Variants in KRT3 observed in about 807,000 individuals in gnomAD.
KRT3 encodes keratin, type II cytoskeletal 3.
Under a neutral mutation model 45.8 loss-of-function variants are expected in KRT3, and 34 were observed. That is an observed-to-expected ratio of 0.74 (90% CI 0.57 to 0.99). The LOEUF is 0.99. Ranked by LOEUF, KRT3 falls within the 50% of genes least tolerant of loss-of-function variation. The pLI is 0.00. For missense variants in KRT3, 828 were observed against 820.6 expected, an observed-to-expected ratio of 1.01 and a Z score of -0.11; for synonymous variants, 367 against 329.0, an observed-to-expected ratio of 1.12 and a Z score of -1.25.
At chr12:52,791,514 A>G (rs1939501782) in intron 6 of KRT3, 88 bp from the exon 7 acceptor site, 1 of 1,486,720 alleles carries the variant, frequency 6.7e-7, no homozygotes, top group Non-Finnish European at 9.2e-7. Context: ...TCTTAAAGTC[A>G]GGGAACATTC....
chr12:52,795,942 T>A lies in KRT3; in HGVS notation c.101A>T (p.His34Leu), dbSNP rs1437272363. 2 of 1,613,886 alleles carry A rather than the reference T, an allele frequency of 1.2e-6. No individual in the cohort carries two copies. The highest frequency in any genetic ancestry group is 1.7e-6 in the Non-Finnish European group (2 of 1,180,006). ...SGSSRMSCVA[H>L]SGGAGGGAYG... ...GGCCCCTCCGCCAGCTCCCCCAGAGTGGGCCACACAGCTCATCCTGCTGCT... is the reference window on the plus strand; with the variant it reads ...GGCCCCTCCGCCAGCTCCCCCAGAGAGGGCCACACAGCTCATCCTGCTGCT... The change falls in exon 1 of 9, where the codon CAC (histidine) becomes CTC (leucine). Residue 34 changes from histidine (H) to leucine (L), a missense_variant. Physicochemically the swap from His to Leu is moderately conservative, Grantham distance 99. Transcript: ENST00000417996.
At position 52,790,347 on chromosome 12, in the gene KRT3, TGCTGACCACG is replaced by T; in HGVS notation, c.1572_1581del (p.Val525AlafsTer23). The T allele has an allele frequency of 6.3e-7, 1 of 1,596,548 alleles. No homozygotes were observed. The highest frequency in any genetic ancestry group is 8.5e-7 in the Non-Finnish European group (1 of 1,170,834). On this transcript the variant is annotated frameshift_variant and splice_region_variant, in exon 9 of 9. Coordinates refer to ENST00000417996, the MANE Select transcript of KRT3 (RefSeq NM_057088.3). LOFTEE classifies it low-confidence loss of function (END_TRUNC). ...CCTGCGGAGGCGGAAGTCGTGCTGC[TGCTGACCACG>T]GCTGTGGGGGAGAGGACAGGACAGC... is the stretch of plus-strand genomic sequence containing the variant.
At chr12:52,795,312 T>TAG (rs1260959651) in intron 1 of KRT3, 86 bp downstream of exon 1, 56 of 1,527,186 alleles carry the variant, frequency 3.7e-5, no homozygotes, top group Non-Finnish European at 5.1e-5. Context: ...GTCTGGCCTA[T>TAG]CCAAGAAACA....
rs1229853799 is a variant in KRT3 at position 52,794,184 on chromosome 12, T to C, written c.793A>G (p.Ile265Val). The change falls in exon 2 of 9, where the codon ATC becomes GTC. Residue 265 changes from isoleucine to valine, a missense_variant. By Grantham distance (29) the Ile-to-Val change is conservative (BLOSUM62 3). Coordinates refer to ENST00000417996, the MANE Select transcript of KRT3 (RefSeq NM_057088.3). ...INYLRSYLDN[I>V]LGERGRLDSE... ...TCCAGGCGCCCTCTCTCCCCGAGGA[T>C]GTTGTCCAGGTAGCTCCGCAGGTAG... 4 of 1,614,066 alleles carry C rather than the reference T, an allele frequency of 2.5e-6. No homozygotes were observed. In the African/African-American group the frequency reaches 5.3e-5, roughly 22 times the overall value.
rs765769295 is a variant in KRT3, at chr12:52,792,825, A to G, written c.928-19T>C. ...CCACATCCTGAGAAAAGAGGAAGAT[A>G]AAGGCCTTATTCTCCCAATGAACAA... On this transcript the variant is annotated intron_variant, in intron 3 of 8. Transcript: ENST00000417996. 2 of 1,526,110 alleles carry G rather than the reference A, an allele frequency of 1.3e-6. No homozygotes were observed. The highest frequency in any genetic ancestry group is 2.3e-5 in the South Asian group (2 of 88,716). The allele number at this position is 1,526,110 out of a possible 1,614,324, so 94.5% of individuals were successfully genotyped here. A position where few individuals can be genotyped will look rare whatever the true frequency, so the allele number is the denominator to read the frequency against.
At position 52,790,434 on chromosome 12, in the gene KRT3, G is replaced by C. The variant is rs1332237405; in HGVS notation, c.1571-76C>G. 3.6e-6 allele frequency: 5 copies of C among 1,398,708 alleles called. No individual in the cohort carries two copies. In the Admixed American group the frequency reaches 9.3e-5, roughly 26 times the overall value. The allele number at this position is 1,398,708 out of a possible 1,614,324, so 86.6% of individuals were successfully genotyped here. Reference sequence around the variant, plus strand: ...GCTATGTTATTGTCAATGATCCACCGGGCCCACGACTATCCAGAGCTGATC... The same window carrying C: ...GCTATGTTATTGTCAATGATCCACCCGGCCCACGACTATCCAGAGCTGATC... On this transcript the variant is annotated intron_variant, in intron 8 of 8. Transcript: ENST00000417996.
chr12:52,794,775 A>G (rs953973073), intron 1 of KRT3, among the ~76,000 whole-genome samples: 1 of 152,186 alleles, frequency 6.6e-6, no homozygotes, highest in Non-Finnish European at 1.5e-5. Flanking sequence ...TGCCACAGTT[A>G]GCATGACAAC....
intron 1 of KRT3, 30 bp downstream of exon 1, chr12:52,795,368 G>A (rs1455833347): frequency 1.2e-6 from 2 of 1,613,260 alleles, no homozygotes; most frequent in Middle Eastern, 1.7e-4. Context: ...CCCCAGCCCA[G>A]GAAGGGATGA....
rs1450322520 is a variant in KRT3 at position 52,795,560 on chromosome 12, A to G, written c.483T>C (p.Phe161=). The stretch of plus-strand genomic sequence containing the variant: ...TTCCCCCAGGAAAGCCCCCAGGGCC[A>G]AAGCCACCAGGACTGCCCAAGCTGC... ...GPGSLGSPGG[F]GPGGFPGGIQ... is the part of the protein sequence containing the mutation. The change falls in exon 1 of 9, where the codon TTT becomes TTC. Residue 161 remains phenylalanine, a synonymous_variant. Coordinates refer to ENST00000417996, the MANE Select transcript of KRT3 (RefSeq NM_057088.3). 1.9e-6 allele frequency: 3 copies of G among 1,612,438 alleles called. No individual in the cohort carries two copies. In the African/African-American group the frequency reaches 4.0e-5, roughly 22 times the overall value.
In KRT3 at chr12:52,792,693, A is replaced by G. The variant is rs1399315960; in HGVS notation, c.1023+18T>C. On this transcript the variant is annotated intron_variant, in intron 4 of 8. Transcript: ENST00000417996. ...CCTCACTCTCCCTCTGTCCCTTCTT[A>G]GTAGGTAACATCCTTACAGCGTCGT... 6.5e-7 allele frequency: 1 copy of G among 1,543,700 alleles called. No individual in the cohort carries two copies. The highest frequency in any genetic ancestry group is 1.1e-5 in the South Asian group (1 of 89,638).
intron 6 of KRT3, 71 bp downstream of exon 6, chr12:52,791,620 G>C (rs775824273): frequency 6.3e-4 from 1,009 of 1,593,570 alleles, no homozygotes; most frequent in Non-Finnish European, 8.3e-4. Context: ...TATTCCAGGG[G>C]AGGAGTCCTG....
Position 52,794,117 on chromosome 12 carries a change from T to G in KRT3, c.860A>C (p.Lys287Thr), listed in dbSNP as rs1364847004. ...CTCCTGCCCTGTCACTCACTTCTTC[T>G]TGAAGTCTTCCACCAGGTCCTCCAT... ...KNMEDLVEDF[K>T]KKYEDEINKR... Residue 287 changes from lysine to threonine, a missense_variant, in exon 2 of 9, where the codon AAG becomes ACG. Physicochemically the swap from Lys to Thr is moderately conservative, Grantham distance 78. Transcript: ENST00000417996. The G allele has an allele frequency of 6.2e-7, 1 of 1,613,468 alleles. No individual in the cohort carries two copies. The highest frequency in any genetic ancestry group is 8.5e-7 in the Non-Finnish European group (1 of 1,179,390).
At chr12:52,793,624 C>G (rs542345185) in intron 2 of KRT3, among the ~76,000 whole-genome samples, 5 of 152,168 alleles carry the variant, frequency 3.3e-5, no homozygotes, top group African/African-American at 1.2e-4. Flanking sequence ...CATAGTCTCG[C>G]TCTGTCACCG....
At chr12:52,792,130 C>A (rs1010340502) in intron 5 of KRT3, 109 bp downstream of exon 5, 5 of 957,204 alleles carry the variant, frequency 5.2e-6, no homozygotes, top group Non-Finnish European at 6.3e-6. Context: ...AGGGTAAAAC[C>A]AAAAGGCATT....
intron 2 of KRT3, among the ~76,000 whole-genome samples, chr12:52,793,773 G>A (rs971297611): frequency 6.6e-6 from 1 of 152,176 alleles, no homozygotes; most frequent in East Asian, 1.9e-4. Flanking sequence ...TGTATTTTTA[G>A]TAGAGATGAT....
intron 7 of KRT3, 127 bp from the exon 8 acceptor site, chr12:52,790,999 C>T (rs752116667): frequency 1.3e-5 from 17 of 1,262,336 alleles, no homozygotes; most frequent in Non-Finnish European, 1.8e-5. Context: ...AAGCTTTCTC[C>T]ACCCCTCTTT....
chr12:52,794,039 G>A, intron 2 of KRT3, 72 bp downstream of exon 2: 2 of 1,151,948 alleles, frequency 1.7e-6, no homozygotes, highest in Admixed American at 3.5e-5. Flanking sequence ...CAGTCAGGGG[G>A]CATGTAGAAG....
At chr12:52,795,344 G>T in intron 1 of KRT3, 54 bp downstream of exon 1, 1 of 1,603,578 alleles carries the variant, frequency 6.2e-7, no homozygotes. Flanking sequence ...TGTCCCAAAG[G>T]TCAAATTCAA....
rs997230398 is a variant in KRT3 at position 52,790,229 on chromosome 12, C to T, written c.1700G>A (p.Gly567Glu). The T allele has an allele frequency of 1.3e-6, 2 of 1,549,994 alleles. No homozygotes were observed. Among genetic ancestry groups the T allele is most frequent in the African/African-American group, 1.4e-5 (1 of 73,006 alleles). ...GGGSGSGFGR[G>E]GGGGIGGGFG... ...TCCACCGCCGATTCCACCGCCGCCT[C>T]CCCGGCCAAAGCCACTGCCTGAGCC... Residue 567 changes from glycine to glutamate, a missense_variant, in exon 9 of 9, where the codon GGA (glycine) becomes GAA (glutamate). By Grantham distance (98) the Gly-to-Glu change is moderately conservative. Coordinates refer to ENST00000417996, the MANE Select transcript of KRT3 (RefSeq NM_057088.3).
Sources: gnomAD v4.1 joint callset for allele counts (sites outside exome capture counted in the v4.1 genomes callset) on GRCh38, gnomAD v4.1.1 for gene constraint, MANE v1.5 for transcripts, NCBI Gene and HGNC (gene_info 2026-07-23, HGNC 2026-07-21) for gene names.